The following LZTFL1 variants were observed in gnomAD, a reference collection of about 807,000 sequenced individuals.
LZTFL1 encodes leucine zipper transcription factor-like protein 1.
In LZTFL1, 25 loss-of-function variants were observed where a neutral mutation model predicts 45.9. The observed-to-expected ratio is 0.54, with a 90% CI of 0.40 to 0.76. The LOEUF is 0.76. Among genes scored for constraint, LZTFL1 ranks in the 30% least tolerant of loss-of-function variants. The probability of loss-of-function intolerance (pLI) is 0.00; values close to 1 mark genes in which losing one functional copy is unlikely to be tolerated. For synonymous variants in LZTFL1, 93 were observed against 117.4 expected (o/e 0.79, Z 1.35); for missense variants, 277 against 331.1 (o/e 0.84, Z 1.27).
intron 1 of LZTFL1, among the ~76,000 whole-genome samples, chr3:45,838,926 G>A (rs373929544): frequency 2.0e-5 from 3 of 152,220 alleles, no homozygotes; most frequent in Admixed American, 6.5e-5. Context: ...CACTTGAGTT[G>A]TGAATAACAA....
chr3:45,881,097 A>C (rs985584475), intron 2 of LZTFL1, among the ~76,000 whole-genome samples: 1 of 152,244 alleles, frequency 6.6e-6, no homozygotes, highest in African/African-American at 2.4e-5. Flanking sequence ...GACTGGTCTC[A>C]TGACTCAGGT....
chr3:45,823,477 TGAA>T lies in LZTFL1; in HGVS notation c.*2834_*2836del, dbSNP rs2125670244. ...CAATAACAGCTACACGCTTACTTGA[TGAA>T]GGAGCTGATGACACAATCCAAAAGA... On this transcript the variant is annotated 3_prime_UTR_variant, in exon 10 of 10. Transcript: ENST00000296135. 6.6e-6 allele frequency: 1 copy of T among 152,396 alleles called. No homozygotes were observed. Among genetic ancestry groups the T allele is most frequent in the East Asian group, 1.9e-4 (1 of 5,184 alleles). The allele number at this position is 152,396 out of a possible 1,614,324, so 9.4% of individuals were successfully genotyped here.
At chr3:45,828,656 T>A (rs767141750) in intron 7 of LZTFL1, 41 bp from the exon 8 acceptor site, 1 of 1,490,294 alleles carries the variant, frequency 6.7e-7, no homozygotes, top group Admixed American at 1.9e-5. Context: ...CATGTTGATA[T>A]TCTAAAAATA....
At chr3:45,857,197 G>A in intron 3 of LZTFL1, among the ~76,000 whole-genome samples, 1 of 152,160 alleles carries the variant, frequency 6.6e-6, no homozygotes. Flanking sequence ...GCCATAAAAA[G>A]GAACAAGTTA....
At chr3:45,862,839 A>C (rs1373969800) in intron 2 of LZTFL1, among the ~76,000 whole-genome samples, 1 of 152,246 alleles carries the variant, frequency 6.6e-6, no homozygotes, top group Admixed American at 6.5e-5. Context: ...GAATTCTCCC[A>C]TATCTTGAAG....
At chr3:45,878,725 C>A (rs1241275254) in intron 2 of LZTFL1, among the ~76,000 whole-genome samples, 1 of 152,062 alleles carries the variant, frequency 6.6e-6, no homozygotes, top group African/African-American at 2.4e-5. Context: ...ACAAAGAACT[C>A]TTAAAACTCA....
chr3:45,900,242 G>A lies in LZTFL1; in HGVS notation c.-215+12878C>T, dbSNP rs1702506324. Among the ~76,000 whole-genome samples the A allele has an allele frequency of 6.6e-6, 1 of 152,066 alleles. No individual in the cohort carries two copies. The highest frequency in any genetic ancestry group is 2.1e-4 in the South Asian group (1 of 4,804). On this transcript the variant is annotated intron_variant, in intron 2 of 4. Transcript: ENST00000472635. This position sits in a 1 kb window ranked among gnomAD's most constrained non-coding sequence, Gnocchi z 4.7. Reference sequence around the variant, plus strand: ...GTCATGGTGCTTGTGTGTGTATGTAGGGTTGAGAGTGTCTGTGTGTGTATG... The same window carrying A: ...GTCATGGTGCTTGTGTGTGTATGTAAGGTTGAGAGTGTCTGTGTGTGTATG...
intron 2 of LZTFL1, among the ~76,000 whole-genome samples, chr3:45,875,609 C>T (rs1187231365): frequency 6.6e-6 from 1 of 152,108 alleles, no homozygotes; most frequent in African/African-American, 2.4e-5. Context: ...ATTGCTTAAG[C>T]CCAGCCATTC....
chr3:45,905,085 C>T (rs964968357), intron 2 of LZTFL1, among the ~76,000 whole-genome samples: 6 of 152,234 alleles, frequency 3.9e-5, no homozygotes, highest in African/African-American at 1.4e-4. Context: ...GCTCCAGCAC[C>T]TGCACCTGAC....
intron 2 of LZTFL1, among the ~76,000 whole-genome samples, chr3:45,875,342 C>G (rs1264214872): frequency 2.0e-5 from 3 of 152,140 alleles, no homozygotes; most frequent in South Asian, 2.1e-4. Context: ...ATACCATTTG[C>G]AAATGCCTAG....
chr3:45,878,714 T>C (rs1193126774), intron 2 of LZTFL1, among the ~76,000 whole-genome samples: 2 of 151,592 alleles, frequency 1.3e-5, no homozygotes, highest in Non-Finnish European at 2.9e-5. Context: ...ATCCATAATA[T>C]ACAAAGAACT....
At chr3:45,844,372 A>G (rs1701185188), upstream of LZTFL1, among the ~76,000 whole-genome samples, 1 of 152,180 alleles carries the variant, frequency 6.6e-6, no homozygotes, top group Non-Finnish European at 1.5e-5. Flanking sequence ...CTGCCCCTGC[A>G]CTATAAATTT....
intron 2 of LZTFL1, among the ~76,000 whole-genome samples, 173 bp downstream of exon 2, chr3:45,837,754 A>G (rs1701002396): frequency 6.6e-6 from 1 of 152,208 alleles, no homozygotes; most frequent in Non-Finnish European, 1.5e-5. Flanking sequence ...CTTTCACCAC[A>G]ATACAACTTC....
intron 2 of LZTFL1, among the ~76,000 whole-genome samples, chr3:45,898,491 T>C (rs1421030868): frequency 6.6e-6 from 1 of 152,262 alleles, no homozygotes; most frequent in Non-Finnish European, 1.5e-5. Context: ...TTTAGTTCTT[T>C]GCGTTTGTGG....
intron 2 of LZTFL1, among the ~76,000 whole-genome samples, chr3:45,859,328 T>C (rs2125707785): frequency 6.6e-6 from 1 of 152,320 alleles, no homozygotes; most frequent in Middle Eastern, 3.4e-3. Flanking sequence ...TGGCCTCAAG[T>C]GATCCTCCTG....
intron 4 of LZTFL1, among the ~76,000 whole-genome samples, chr3:45,851,268 C>T (rs1314276396): frequency 2.0e-5 from 3 of 148,912 alleles, no homozygotes; most frequent in African/African-American, 7.5e-5. Context: ...GTTTTGTCAC[C>T]CAGGCTGGAG....
chr3:45,878,343 C>A (rs1701788631), intron 2 of LZTFL1, among the ~76,000 whole-genome samples: 1 of 152,124 alleles, frequency 6.6e-6, no homozygotes, highest in African/African-American at 2.4e-5. Flanking sequence ...GAAACTGAGG[C>A]TATTTTCATG....
At chr3:45,885,610 C>T (rs939735250) in intron 2 of LZTFL1, among the ~76,000 whole-genome samples, 6 of 152,134 alleles carry the variant, frequency 3.9e-5, no homozygotes, top group African/African-American at 1.2e-4. Context: ...GCACTGTTGG[C>T]GACGATGGAC....
At chr3:45,857,537 CA>C (rs771186621) in intron 3 of LZTFL1, among the ~76,000 whole-genome samples, 2 of 152,088 alleles carry the variant, frequency 1.3e-5, no homozygotes, top group Non-Finnish European at 2.9e-5. Context: ...AAAATAAAAA[CA>C]AAAGGGATGT....
Sources: gnomAD v4.1 joint callset for allele counts (sites outside exome capture counted in the v4.1 genomes callset) on GRCh38, gnomAD v4.1.1 for gene constraint, Gnocchi (gnomAD v3.1) non-coding constraint, MANE v1.5 for transcripts, NCBI Gene and HGNC (gene_info 2026-07-23, HGNC 2026-07-21) for gene names.